Variants in SCTR observed in about 807,000 individuals in gnomAD.
SCTR encodes the protein secretin receptor, also known as pancreatic secretin receptor.
In SCTR, 56 loss-of-function variants were observed where a neutral mutation model predicts 60.8. The ratio of observed to expected loss-of-function variants is 0.92; its 90% CI spans 0.74 to 1.15. The LOEUF (loss-of-function observed/expected upper bound fraction) is 1.15, where lower values mean the gene tolerates loss of function less well. Ranked by LOEUF, SCTR falls within the 50% of genes most tolerant of loss-of-function variation. The pLI is 0.00. For missense variants in SCTR, 562 were observed against 550.4 expected (o/e 1.02, Z -0.21); for synonymous variants, 202 against 217.0 (o/e 0.93, Z 0.61).
At chr2:119,497,868 C>T (rs935582671) in intron 1 of SCTR, among the ~76,000 whole-genome samples, 2 of 151,942 alleles carry the variant, frequency 1.3e-5, no homozygotes, top group African/African-American at 2.4e-5. Context: ...AATTAAGAAA[C>T]CTTGAGGAAC....
At chr2:119,470,924 C>T (rs897537447) in intron 4 of SCTR, among the ~76,000 whole-genome samples, 9 of 152,204 alleles carry the variant, frequency 5.9e-5, no homozygotes, top group Non-Finnish European at 1.2e-4. Flanking sequence ...TGGTCTCAAA[C>T]CCTTGACCTC....
At chr2:119,455,205 C>A (rs1258109750) in intron 7 of SCTR, among the ~76,000 whole-genome samples, 1 of 152,208 alleles carries the variant, frequency 6.6e-6, no homozygotes, top group African/African-American at 2.4e-5. Flanking sequence ...CCTGCCACTG[C>A]ACGCTGGAGA....
chr2:119,524,323 G>A lies in SCTR; in HGVS notation c.-97C>T, dbSNP rs1465045311. The stretch of plus-strand genomic sequence containing the variant: ...CGCCCCGCGCAGGGTCCCGGGCTCC[G>A]GCCGGCCGCTGCGCCCCGAGGAGCC... On this transcript the variant is annotated 5_prime_UTR_variant, in exon 1 of 13. Coordinates refer to ENST00000019103, the MANE Select transcript of SCTR (RefSeq NM_002980.3). The A allele has an allele frequency of 3.7e-6, 3 of 802,224 alleles. No homozygotes were observed. Among genetic ancestry groups the A allele is most frequent in the Non-Finnish European group, 5.2e-6 (3 of 574,762 alleles). The allele number at this position is 802,224 out of a possible 1,614,324, so 49.7% of individuals were successfully genotyped here. A position where few individuals can be genotyped will look rare whatever the true frequency, so the allele number is the denominator to read the frequency against.
chr2:119,473,118 G>T (rs1012117926), intron 4 of SCTR, among the ~76,000 whole-genome samples: 2 of 152,166 alleles, frequency 1.3e-5, no homozygotes, highest in East Asian at 1.9e-4. Context: ...GAATTCAGAC[G>T]CACCAGCCTT....
At chr2:119,451,917 G>A (rs1683184335) in intron 9 of SCTR, 93 bp downstream of exon 9, 1 of 781,090 alleles carries the variant, frequency 1.3e-6, no homozygotes. Flanking sequence ...GCACCTGCAG[G>A]GAGCCCTGTC....
At chr2:119,472,295 C>A (rs1478941056) in intron 4 of SCTR, among the ~76,000 whole-genome samples, 1 of 152,098 alleles carries the variant, frequency 6.6e-6, no homozygotes, top group Non-Finnish European at 1.5e-5. Context: ...CATGGATGGG[C>A]CCGAGGGGAG....
At chr2:119,499,982 A>G (rs1195833330) in intron 1 of SCTR, among the ~76,000 whole-genome samples, 6 of 152,132 alleles carry the variant, frequency 3.9e-5, no homozygotes, top group Non-Finnish European at 8.8e-5. Context: ...TACATAAGAC[A>G]CTCAGACAAC....
intron 1 of SCTR, among the ~76,000 whole-genome samples, chr2:119,516,484 A>T (rs1432137970): frequency 6.6e-6 from 1 of 151,974 alleles, no homozygotes. Flanking sequence ...ATACTGCATG[A>T]TCTTACTTAT....
chr2:119,450,736 G>C (rs1683130682), intron 9 of SCTR, among the ~76,000 whole-genome samples: 1 of 152,128 alleles, frequency 6.6e-6, no homozygotes, highest in African/African-American at 2.4e-5. Flanking sequence ...TTGGGAGGCT[G>C]AGGCAGGCAG....
At chr2:119,498,906 G>T (rs891566699) in intron 1 of SCTR, among the ~76,000 whole-genome samples, 1 of 151,920 alleles carries the variant, frequency 6.6e-6, no homozygotes, top group Non-Finnish European at 1.5e-5. Flanking sequence ...AATGTAAATG[G>T]TCTAAACACA....
chr2:119,442,820 C>T (rs1026107520), intron 11 of SCTR, among the ~76,000 whole-genome samples: 6 of 152,124 alleles, frequency 3.9e-5, no homozygotes, highest in Non-Finnish European at 7.4e-5. Flanking sequence ...TTCCAAAAAA[C>T]GGGCATCATG....
At chr2:119,478,101 A>G (rs927787291) in intron 3 of SCTR, among the ~76,000 whole-genome samples, 3 of 152,214 alleles carry the variant, frequency 2.0e-5, no homozygotes, top group Admixed American at 6.5e-5. Flanking sequence ...TTCAGGCTTC[A>G]TCTGGCAGCT....
intron 2 of SCTR, among the ~76,000 whole-genome samples, chr2:119,485,353 C>G (rs1677817229): frequency 6.6e-6 from 1 of 152,188 alleles, no homozygotes. Flanking sequence ...CTTCCTCTGT[C>G]CTGCCCACAG....
At chr2:119,519,448 T>C (rs1032866174) in intron 1 of SCTR, among the ~76,000 whole-genome samples, 2 of 152,170 alleles carry the variant, frequency 1.3e-5, no homozygotes, top group Non-Finnish European at 2.9e-5. Context: ...GTTTGGGAGA[T>C]AATTTTATGA....
chr2:119,520,328 C>T (rs1679250662), intron 1 of SCTR, among the ~76,000 whole-genome samples: 1 of 152,022 alleles, frequency 6.6e-6, no homozygotes, highest in African/African-American at 2.4e-5. Flanking sequence ...TGGTGAGACC[C>T]ATCTCTAAAA....
chr2:119,509,251 G>A (rs1678856906), intron 1 of SCTR, among the ~76,000 whole-genome samples: 1 of 152,182 alleles, frequency 6.6e-6, no homozygotes. Context: ...GGAGAGCCCA[G>A]CCTGGATCAA....
At chr2:119,482,395 A>G (rs952758429) in intron 2 of SCTR, among the ~76,000 whole-genome samples, 4 of 152,164 alleles carry the variant, frequency 2.6e-5, no homozygotes, top group African/African-American at 7.2e-5. Context: ...GGGCAGTCCC[A>G]GGAGCCACAA....
At position 119,441,976 on chromosome 2, in the gene SCTR, G is replaced by A. The variant is rs575011501; in HGVS notation, c.1141-377C>T. 4.1e-4 allele frequency among the ~76,000 whole-genome samples: 62 copies of A among 152,332 alleles called. No individual in the cohort carries two copies. In the South Asian group the frequency reaches 0.012, roughly 30 times the overall value. ...TGCAGGCTGCCCAGGGTGAGACCCT[G>A]GGCCCTGTGTGGTCTTATTTCAAGA... On this transcript the variant is annotated intron_variant, in intron 11 of 12. Transcript: ENST00000019103.
chr2:119,492,656 C>T (rs1255867991), intron 2 of SCTR, among the ~76,000 whole-genome samples: 1 of 152,058 alleles, frequency 6.6e-6, no homozygotes, highest in Non-Finnish European at 1.5e-5. Context: ...CTATCTAGTT[C>T]TAACACATTT....
Sources: gnomAD v4.1 joint callset for allele counts (sites outside exome capture counted in the v4.1 genomes callset) on GRCh38, gnomAD v4.1.1 for gene constraint, MANE v1.5 for transcripts, NCBI Gene and HGNC (gene_info 2026-07-23, HGNC 2026-07-21) for gene names.